The following SMG6 variants were observed in gnomAD, a reference collection of about 807,000 sequenced individuals.
SMG6 encodes telomerase-binding protein EST1A.
A neutral mutation model predicts 142.2 loss-of-function variants in SMG6; 66 were observed. That is an observed-to-expected ratio of 0.46 (90% confidence interval 0.38 to 0.57). SMG6 has a LOEUF of 0.57. Among genes scored for constraint, SMG6 ranks in the 20% least tolerant of loss-of-function variants. The probability of loss-of-function intolerance (pLI) is 0.00; values close to 1 mark genes in which losing one functional copy is unlikely to be tolerated. For missense variants in SMG6, 1,793 were observed against 1,832.0 expected (o/e 0.98, Z 0.39); for synonymous variants, 779 against 702.4 (o/e 1.11, Z -1.72).
At chr17:2,185,381 T>C (rs1394106234) in intron 12 of SMG6, among the ~76,000 whole-genome samples, 7 of 151,398 alleles carry the variant, frequency 4.6e-5, no homozygotes, top group East Asian at 1.9e-4. Flanking sequence ...GACACAGATA[T>C]AGACAAAGAT....
chr17:2,172,211 G>A (rs889389950), intron 13 of SMG6, among the ~76,000 whole-genome samples: 2 of 151,956 alleles, frequency 1.3e-5, no homozygotes, highest in African/African-American at 4.8e-5. Flanking sequence ...GTTAACACAT[G>A]GTGTCTGCTT....
At chr17:2,223,055 A>G (rs958464627) in intron 10 of SMG6, among the ~76,000 whole-genome samples, 1 of 152,246 alleles carries the variant, frequency 6.6e-6, no homozygotes, top group Non-Finnish European at 1.5e-5. Flanking sequence ...AGCTGGGCTC[A>G]TAACTACTCT....
At chr17:2,169,992 G>A (rs139093441) in intron 13 of SMG6, among the ~76,000 whole-genome samples, 1 of 152,264 alleles carries the variant, frequency 6.6e-6, no homozygotes, top group Non-Finnish European at 1.5e-5. Context: ...AGATATGGAA[G>A]TGTGACAAAG....
At chr17:2,242,689 TAAAAAA>T (rs57079220) in intron 9 of SMG6, among the ~76,000 whole-genome samples, 1 of 55,850 alleles carries the variant, frequency 1.8e-5, no homozygotes, top group Non-Finnish European at 3.1e-5. Flanking sequence ...TCCATCTCTT[TAAAAAA>T]AAAAAAAAAA....
chr17:2,075,979 G>A (rs1054441655), intron 15 of SMG6, among the ~76,000 whole-genome samples: 2 of 152,168 alleles, frequency 1.3e-5, no homozygotes, highest in African/African-American at 4.8e-5. Flanking sequence ...GGGAGGGACA[G>A]GCTGCAGAGG....
intron 10 of SMG6, among the ~76,000 whole-genome samples, chr17:2,224,072 C>T (rs150323425): frequency 1.1e-3 from 160 of 152,232 alleles, no homozygotes; most frequent in African/African-American, 3.2e-3. Flanking sequence ...GTATGTTAAA[C>T]ATCTTTTTGA....
chr17:2,263,646 A>T (rs1213842651), intron 8 of SMG6, among the ~76,000 whole-genome samples: 1 of 152,174 alleles, frequency 6.6e-6, no homozygotes, highest in Non-Finnish European at 1.5e-5. Context: ...TGGTCTAGAG[A>T]GTCTATCCAC....
At chr17:2,084,935 G>A (rs758923702) in intron 14 of SMG6, among the ~76,000 whole-genome samples, 2 of 152,128 alleles carry the variant, frequency 1.3e-5, no homozygotes, top group African/African-American at 2.4e-5. Flanking sequence ...CAACCACTCA[G>A]AACCCACAGA....
At chr17:2,192,346 T>C (rs1377283721) in intron 10 of SMG6, among the ~76,000 whole-genome samples, 27 of 152,214 alleles carry the variant, frequency 1.8e-4, no homozygotes. Flanking sequence ...AGAGTTCCCT[T>C]GGTGCACACA....
Position 2,277,162 on chromosome 17 carries a change from TTTA to T in SMG6, c.2661+5482_2661+5484del, listed in dbSNP as rs2074673223. 6.2e-5 allele frequency among the ~76,000 whole-genome samples: 5 copies of T among 80,404 alleles called. No homozygotes were observed. In the South Asian group the frequency reaches 1.4e-3, roughly 23 times the overall value. The allele number at this position is 80,404 out of a possible 152,430, so 52.7% of individuals were successfully genotyped here. ...ATTTATTTATTTATTTATTTATTTA[TTTA>T]TTTTTTATTTTTTTTTTTTTTGAGA... On this transcript the variant is annotated intron_variant, in intron 8 of 18. Coordinates refer to ENST00000263073, the MANE Select transcript of SMG6 (RefSeq NM_017575.5).
At chr17:2,204,477 T>G (rs1395751707) in intron 10 of SMG6, among the ~76,000 whole-genome samples, 1 of 152,178 alleles carries the variant, frequency 6.6e-6, no homozygotes, top group African/African-American at 2.4e-5. Flanking sequence ...GCGAACGTAA[T>G]GACTTCATCC....
intron 13 of SMG6, among the ~76,000 whole-genome samples, chr17:2,144,842 G>C (rs912201390): frequency 1.3e-5 from 2 of 152,084 alleles, no homozygotes; most frequent in East Asian, 3.9e-4. Context: ...TGGAATCCCA[G>C]CTTTAGGCAG....
intron 15 of SMG6, among the ~76,000 whole-genome samples, chr17:2,075,992 GACCAGGCCTC>G (rs145058300): frequency 0.01 from 1,545 of 152,334 alleles, 31 homozygotes; most frequent in African/African-American, 0.035. Context: ...TGCAGAGGGA[GACCAGGCCTC>G]ACCTCCCCCA....
At chr17:2,182,678 C>T (rs576631584) in intron 12 of SMG6, among the ~76,000 whole-genome samples, 25 of 152,280 alleles carry the variant, frequency 1.6e-4, no homozygotes, top group African/African-American at 6.0e-4. Flanking sequence ...CCCCTCCCTA[C>T]TCCCCAAAAG....
intron 13 of SMG6, among the ~76,000 whole-genome samples, chr17:2,100,805 C>T (rs1017058506): frequency 6.6e-6 from 1 of 152,028 alleles, no homozygotes; most frequent in Non-Finnish European, 1.5e-5. Context: ...CTTCAGCTTC[C>T]CAAAGTGCTA....
chr17:2,225,800 G>A lies in SMG6; in HGVS notation c.2869+10692C>T, dbSNP rs915524286. Among the ~76,000 whole-genome samples, 3 of 152,156 alleles carry A rather than the reference G, an allele frequency of 2.0e-5. No individual in the cohort carries two copies. In the East Asian group the frequency reaches 5.8e-4, roughly 29 times the overall value. ...GTAACCCTAAAAGAAAAGAAGACTA[G>A]TGCTGGGGGTAAGGAGTAGGGGCAC... On this transcript the variant is annotated intron_variant, in intron 10 of 18. Transcript: ENST00000263073.
chr17:2,303,393 A>C (rs2075331245), intron 1 of SMG6: 1 of 1,241,614 alleles, frequency 8.1e-7, no homozygotes, highest in Non-Finnish European at 1.0e-6. Context: ...GGCGAGAAAG[A>C]GGGTGGAGGC....
chr17:2,114,058 A>C (rs1194663391), intron 13 of SMG6, among the ~76,000 whole-genome samples: 1 of 152,220 alleles, frequency 6.6e-6, no homozygotes, highest in East Asian at 1.9e-4. Context: ...ACCTGAGGTC[A>C]GGAGTTCAAG....
intron 15 of SMG6, among the ~76,000 whole-genome samples, chr17:2,075,388 G>A (rs1462101295): frequency 6.6e-6 from 1 of 152,196 alleles, no homozygotes; most frequent in African/African-American, 2.4e-5. Flanking sequence ...CAAGACTGTG[G>A]CCATAATGCT....
Sources: gnomAD v4.1 joint callset for allele counts (sites outside exome capture counted in the v4.1 genomes callset) on GRCh38, gnomAD v4.1.1 for gene constraint, MANE v1.5 for transcripts, NCBI Gene and HGNC (gene_info 2026-07-23, HGNC 2026-07-21) for gene names.